Variants in PCDHGA2 observed in about 807,000 individuals in gnomAD.
PCDHGA2 encodes the protein protocadherin gamma-A2.
A neutral mutation model predicts 59.2 loss-of-function variants in PCDHGA2; 40 were observed. That is an observed-to-expected ratio of 0.68 (90% CI 0.52 to 0.88). The LOEUF (loss-of-function observed/expected upper bound fraction) is 0.88, where lower values mean the gene tolerates loss of function less well. Among genes scored for constraint, PCDHGA2 ranks in the 40% least tolerant of loss-of-function variants. The pLI is 0.00. For missense variants in PCDHGA2, 1,226 were observed against 1,204.0 expected (o/e 1.02, Z -0.27); for synonymous variants, 560 against 526.0 (o/e 1.06, Z -0.89).
At chr5:141,450,006 CTT>C (rs1554136305) in intron 1 of PCDHGA2, among the ~76,000 whole-genome samples, 13 of 132,938 alleles carry the variant, frequency 9.8e-5, no homozygotes, top group Non-Finnish European at 7.9e-5. Flanking sequence ...TGCCATGTCT[CTT>C]TTTTTTTTTT....
chr5:141,361,388 A>G (rs373182240), intron 1 of PCDHGA2: 1 of 1,613,880 alleles, frequency 6.2e-7, no homozygotes, highest in Non-Finnish European at 8.5e-7. Context: ...ATCCCAGAAT[A>G]CAATCTCACC....
At chr5:141,399,256 G>T in intron 1 of PCDHGA2, 3 of 1,613,964 alleles carry the variant, frequency 1.9e-6, no homozygotes, top group Non-Finnish European at 2.5e-6. Flanking sequence ...GGAAAATGGG[G>T]AGGTTAATTG....
chr5:141,388,978 C>T, intron 1 of PCDHGA2: 1 of 1,613,972 alleles, frequency 6.2e-7, no homozygotes, highest in Non-Finnish European at 8.5e-7. Context: ...ACACATATTG[C>T]TTTGCTCAAA....
At chr5:141,383,707 G>A in intron 1 of PCDHGA2, 3 of 1,613,998 alleles carry the variant, frequency 1.9e-6, no homozygotes, top group Non-Finnish European at 2.5e-6. Context: ...TATCGACCTG[G>A]ACGAGGGAGT....
chr5:141,407,807 T>C (rs916388568), intron 1 of PCDHGA2, among the ~76,000 whole-genome samples: 1 of 152,202 alleles, frequency 6.6e-6, no homozygotes, highest in African/African-American at 2.4e-5. Flanking sequence ...CATAGAAATA[T>C]CTACTATAAT....
In PCDHGA2 at chr5:141,421,902, C is replaced by T. The variant is rs1218675162; in HGVS notation, c.2425-72905C>T. 4 of 1,613,706 alleles carry T rather than the reference C, an allele frequency of 2.5e-6. No homozygotes were observed. The South Asian group carries it at 3.3e-5, about 13-fold the overall frequency. On this transcript the variant is annotated intron_variant, in intron 1 of 3. Coordinates refer to ENST00000394576, the MANE Select transcript of PCDHGA2 (RefSeq NM_018915.4). Reference sequence around the variant, plus strand: ...ATGGAGGCGATCCCATCCGAAAGGGCGCAGTTCCCATTCGTGTGGTGGTCC... The same window carrying T: ...ATGGAGGCGATCCCATCCGAAAGGGTGCAGTTCCCATTCGTGTGGTGGTCC...
chr5:141,388,144 G>A (rs1327741980), intron 1 of PCDHGA2: 2 of 1,458,202 alleles, frequency 1.4e-6, no homozygotes, highest in Non-Finnish European at 9.5e-7. Flanking sequence ...TTGCTTGTGA[G>A]CAGCAGGCTA....
intron 1 of PCDHGA2, chr5:141,342,541 A>T (rs1473521237): frequency 6.6e-6 from 1 of 152,250 alleles, no homozygotes; most frequent in Non-Finnish European, 1.5e-5. Flanking sequence ...GCATTTGATC[A>T]AGAAAAAATT....
chr5:141,355,172 A>G, intron 1 of PCDHGA2: 1 of 1,572,422 alleles, frequency 6.4e-7, no homozygotes, highest in African/African-American at 1.4e-5. Flanking sequence ...GGAAAACCGA[A>G]GCACAGGCGA....
chr5:141,422,259 C>T (rs751340056), intron 1 of PCDHGA2: 2 of 1,565,034 alleles, frequency 1.3e-6, no homozygotes, highest in Non-Finnish European at 1.7e-6. Flanking sequence ...TGAATGATAA[C>T]GCTCCAGAAA....
In PCDHGA2 at chr5:141,427,541, C is replaced by G. The variant is rs541988301; in HGVS notation, c.2425-67266C>G. ...AGCGGATCCCGGAGTACAACGTCACCATCACTGCCACTGACAAGGGCAAGC... is the reference window on the plus strand; with the variant it reads ...AGCGGATCCCGGAGTACAACGTCACGATCACTGCCACTGACAAGGGCAAGC... On this transcript the variant is annotated intron_variant, in intron 1 of 3. Coordinates refer to ENST00000394576, the MANE Select transcript of PCDHGA2 (RefSeq NM_018915.4). 3.1e-5 allele frequency: 20 copies of G among 635,320 alleles called. No individual in the cohort carries two copies. The African/African-American group carries it at 3.6e-4, about 11-fold the overall frequency. The allele number at this position is 635,320 out of a possible 1,614,324, so 39.4% of individuals were successfully genotyped here.
chr5:141,374,410 T>G, intron 1 of PCDHGA2: 1 of 1,614,012 alleles, frequency 6.2e-7, no homozygotes. Context: ...TTAACATCCT[T>G]GTCGAGGATA....
intron 1 of PCDHGA2, among the ~76,000 whole-genome samples, chr5:141,405,769 C>T (rs1363688527): frequency 2.6e-5 from 4 of 152,080 alleles, no homozygotes; most frequent in Non-Finnish European, 2.9e-5. Context: ...TGAGCCACTG[C>T]GCCTGGCCCT....
intron 1 of PCDHGA2, chr5:141,383,907 A>G: frequency 6.2e-7 from 1 of 1,613,958 alleles, no homozygotes; most frequent in Non-Finnish European, 8.5e-7. Flanking sequence ...TACTGATCAC[A>G]GTTTTAGATG....
intron 1 of PCDHGA2, chr5:141,413,459 A>C: frequency 1.9e-6 from 3 of 1,614,080 alleles, no homozygotes; most frequent in Non-Finnish European, 2.5e-6. Flanking sequence ...GGCAGGATAG[A>C]CCGGGAGGAG....
chr5:141,375,189 T>A, intron 1 of PCDHGA2: 1 of 1,613,998 alleles, frequency 6.2e-7, no homozygotes, highest in Non-Finnish European at 8.5e-7. Context: ...ATCGCCCTTT[T>A]TCAAGTGTTC....
chr5:141,375,914 G>A, intron 1 of PCDHGA2: 1 of 1,613,738 alleles, frequency 6.2e-7, no homozygotes, highest in Non-Finnish European at 8.5e-7. Context: ...CCTGCTCAAG[G>A]CCAGCGAGCC....
At chr5:141,371,928 G>C (rs1305933236) in intron 1 of PCDHGA2, 1 of 1,613,350 alleles carries the variant, frequency 6.2e-7, no homozygotes. Flanking sequence ...CGCGCGGAGC[G>C]GGGTGGTGTT....
At position 141,485,731 on chromosome 5, in the gene PCDHGA2, C is replaced by G; in HGVS notation, c.2425-9076C>G. 6.2e-7 allele frequency: 1 copy of G among 1,614,152 alleles called. No homozygotes were observed. Among genetic ancestry groups the G allele is most frequent in the Non-Finnish European group, 8.5e-7 (1 of 1,180,022 alleles). ...TTGCACTGGATGTGAAGAAGCGCAG[C>G]GACGGCAGCCTGGTCCCAGAGCTGC... On this transcript the variant is annotated intron_variant, in intron 1 of 3. Transcript: ENST00000394576. The surrounding 1 kb of genome is among the most constrained non-coding windows in gnomAD (Gnocchi z 5.7).
Sources: allele counts gnomAD v4.1 joint callset (sites outside exome capture counted in the v4.1 genomes callset), GRCh38; gene constraint gnomAD v4.1.1; non-coding constraint Gnocchi (gnomAD v3.1); transcripts MANE v1.5; gene names NCBI Gene and HGNC (gene_info 2026-07-23, HGNC 2026-07-21).